RNF138: variants seen among roughly 807,000 people sequenced by gnomAD.
RNF138 encodes E3 ubiquitin-protein ligase RNF138.
A neutral mutation model predicts 31.0 loss-of-function variants in RNF138; 12 were observed. The ratio of observed to expected loss-of-function variants is 0.39; its 90% CI spans 0.25 to 0.63. The LOEUF (loss-of-function observed/expected upper bound fraction) is 0.63, where lower values mean the gene tolerates loss of function less well. RNF138 is among the 20% of genes least tolerant of loss of function. The probability of loss-of-function intolerance (pLI) is 0.52; values close to 1 mark genes in which losing one functional copy is unlikely to be tolerated. For synonymous variants in RNF138, 105 were observed against 99.5 expected (o/e 1.06, Z -0.33); for missense variants, 192 against 300.1 (o/e 0.64, Z 2.66).
intron 2 of RNF138, among the ~76,000 whole-genome samples, chr18:32,100,374 A>T (rs886335773): frequency 6.6e-6 from 1 of 151,334 alleles, no homozygotes; most frequent in Non-Finnish European, 1.5e-5. Flanking sequence ...ATCATGGCTC[A>T]CTGCAGCCTT....
At chr18:32,113,529 A>G (rs982673272) in intron 3 of RNF138, among the ~76,000 whole-genome samples, 1 of 152,194 alleles carries the variant, frequency 6.6e-6, no homozygotes, top group African/African-American at 2.4e-5. Flanking sequence ...CAGTGAATTT[A>G]TAGACAGATG....
intron 4 of RNF138, among the ~76,000 whole-genome samples, chr18:32,116,889 A>G (rs577019758): frequency 6.1e-4 from 92 of 151,178 alleles, no homozygotes; most frequent in African/African-American, 2.0e-3. Context: ...CTGGCCAGAA[A>G]TGTTTATTTT....
intron 7 of RNF138, among the ~76,000 whole-genome samples, chr18:32,128,225 G>T (rs1298700041): frequency 6.6e-6 from 1 of 152,170 alleles, no homozygotes; most frequent in African/African-American, 2.4e-5. Flanking sequence ...TAAGCTGTAG[G>T]CTTCATGTTA....
chr18:32,127,985 CAGG>C (rs1329064045), intron 7 of RNF138, among the ~76,000 whole-genome samples: 2 of 152,142 alleles, frequency 1.3e-5, no homozygotes, highest in Non-Finnish European at 2.9e-5. Flanking sequence ...GAGGCTGAGG[CAGG>C]AGAATGGGAT....
intron 5 of RNF138, among the ~76,000 whole-genome samples, 166 bp downstream of exon 5, chr18:32,123,740 CCT>C (rs2040342971): frequency 1.3e-5 from 2 of 151,110 alleles, no homozygotes; most frequent in South Asian, 4.2e-4. Flanking sequence ...GCAACCTGCG[CCT>C]CTCAGGTTCA....
chr18:32,092,596 A>G (rs8095867), intron 1 of RNF138, 104 bp from the exon 2 acceptor site: 374,605 of 580,926 alleles, frequency 0.64, 122,049 homozygotes, highest in Admixed American at 0.77. Flanking sequence ...CGCGTGCGGC[A>G]GTAGCGTCTC....
intron 2 of RNF138, among the ~76,000 whole-genome samples, chr18:32,100,177 T>TTGGAGC (rs2039900886): frequency 6.6e-6 from 1 of 151,394 alleles, no homozygotes. Flanking sequence ...CCCTGCCCTC[T>TTGGAGC]TGGAGCTGGG....
chr18:32,092,847 T>G lies in RNF138; in HGVS notation c.71T>G (p.Val24Gly). 6.3e-7 allele frequency: 1 copy of G among 1,592,458 alleles called. No individual in the cohort carries two copies. The highest frequency in any genetic ancestry group is 8.5e-7 in the Non-Finnish European group (1 of 1,172,424). The change falls in exon 2 of 8, where the codon GTG (valine) becomes GGG (glycine). Residue 24 changes from valine to glycine, a missense_variant. By Grantham distance (109) the Val-to-Gly change is moderately radical (BLOSUM62 -3). Coordinates refer to ENST00000261593, the MANE Select transcript of RNF138 (RefSeq NM_016271.5). ...TTCTACTGCCCCGTCTGTCAGGAGG[T>G]GCTCAAAACGCCCGTGCGGACCACG... ...DDFYCPVCQE[V>G]LKTPVRTTAC...
chr18:32,115,029 TC>T (rs2040192572), intron 4 of RNF138, among the ~76,000 whole-genome samples: 1 of 152,134 alleles, frequency 6.6e-6, no homozygotes, highest in African/African-American at 2.4e-5. Flanking sequence ...TTTTAGTCCT[TC>T]TGGGTTTCTT....
chr18:32,121,085 C>T (rs1248119841), intron 4 of RNF138, among the ~76,000 whole-genome samples: 3 of 150,580 alleles, frequency 2.0e-5, no homozygotes, highest in African/African-American at 7.4e-5. Context: ...CAATTAGCCG[C>T]GATCGCGCCG....
intron 4 of RNF138, among the ~76,000 whole-genome samples, chr18:32,116,170 T>C (rs1322836418): frequency 1.3e-5 from 2 of 152,194 alleles, no homozygotes; most frequent in Non-Finnish European, 2.9e-5. Flanking sequence ...CTCATCATCC[T>C]CATTATCACT....
intron 2 of RNF138, among the ~76,000 whole-genome samples, chr18:32,108,357 C>T (rs530688430): frequency 6.6e-6 from 1 of 152,014 alleles, no homozygotes; most frequent in Non-Finnish European, 1.5e-5. Context: ...TTCAGGATAC[C>T]ATTATCCTGA....
intron 2 of RNF138, among the ~76,000 whole-genome samples, chr18:32,098,265 CA>C (rs1359107734): frequency 6.6e-6 from 1 of 151,948 alleles, no homozygotes; most frequent in Non-Finnish European, 1.5e-5. Context: ...CTTGGCCTCC[CA>C]AAGTGCTAGG....
chr18:32,106,747 G>C (rs56273402), intron 2 of RNF138, among the ~76,000 whole-genome samples: 12,255 of 151,650 alleles, frequency 0.081, 631 homozygotes, highest in African/African-American at 0.13. Flanking sequence ...TGTATTTTTA[G>C]TAGAGACAGG....
rs977517366 is a variant in RNF138, at chr18:32,104,321, TA to T, written c.111-7422del. ...AGCCACCAGACCTGGCCTAAAAGTT[TA>T]AAAAAAAAAATCCTCATTAAGGGTG... On this transcript the variant is annotated intron_variant, in intron 2 of 7. Transcript: ENST00000261593. Among the ~76,000 whole-genome samples the T allele has an allele frequency of 2.9e-3, 435 of 148,106 alleles. 3 individuals carry two copies. The highest frequency in any genetic ancestry group is 9.8e-3 in the African/African-American group (397 of 40,656).
intron 5 of RNF138, 80 bp downstream of exon 5, chr18:32,123,654 T>A: frequency 9.7e-6 from 6 of 618,022 alleles, no homozygotes; most frequent in South Asian, 3.3e-5. Context: ...AAATTAAACT[T>A]TTTTTTTTTT....
At chr18:32,111,013 C>A (rs1233275154) in intron 2 of RNF138, among the ~76,000 whole-genome samples, 1 of 152,192 alleles carries the variant, frequency 6.6e-6, no homozygotes, top group Non-Finnish European at 1.5e-5. Context: ...ATCTCCTGAC[C>A]ACGTGATCCG....
intron 2 of RNF138, among the ~76,000 whole-genome samples, chr18:32,093,902 A>G (rs1213000195): frequency 6.6e-6 from 1 of 152,174 alleles, no homozygotes; most frequent in Non-Finnish European, 1.5e-5. Flanking sequence ...TCCATTTCAA[A>G]CTTAACAAAA....
intron 4 of RNF138, among the ~76,000 whole-genome samples, chr18:32,114,172 G>C (rs1433670181): frequency 6.6e-6 from 1 of 152,130 alleles, no homozygotes; most frequent in Non-Finnish European, 1.5e-5. Context: ...GAAATGATTT[G>C]AAAAACTATA....
Sources: allele counts gnomAD v4.1 joint callset (sites outside exome capture counted in the v4.1 genomes callset), GRCh38; gene constraint gnomAD v4.1.1; transcripts MANE v1.5; gene names NCBI Gene and HGNC (gene_info 2026-07-23, HGNC 2026-07-21).